The following TUNAR variants were observed in gnomAD, a reference collection of about 807,000 sequenced individuals.
TUNAR encodes the protein transmembrane neural differentiation associated intracellular calcium regulator, also known as protein TUNAR.
At chr14:95,884,603 C>T (rs1161506427) in intron 2 of TUNAR, among the ~76,000 whole-genome samples, 2 of 152,240 alleles carry the variant, frequency 1.3e-5, no homozygotes, top group Non-Finnish European at 2.9e-5. Context: ...GGTGACTCAT[C>T]ATGGGACTGC....
intron 2 of TUNAR, among the ~76,000 whole-genome samples, chr14:95,906,893 A>G (rs1889434360): frequency 6.6e-6 from 1 of 152,168 alleles, no homozygotes. Context: ...TCTTCTCTGC[A>G]TCCCTTTCTC....
At chr14:95,912,399 G>A (rs931257589) in intron 2 of TUNAR, among the ~76,000 whole-genome samples, 1 of 152,072 alleles carries the variant, frequency 6.6e-6, no homozygotes, top group African/African-American at 2.4e-5. Flanking sequence ...ATTCGACACT[G>A]CCTTTTATTG....
At chr14:95,881,632 C>T (rs74085728) in intron 2 of TUNAR, among the ~76,000 whole-genome samples, 2,810 of 152,308 alleles carry the variant, frequency 0.018, 54 homozygotes, top group East Asian at 0.08. Flanking sequence ...AAATGTAGGT[C>T]TCAAGGAACT....
chr14:95,906,840 G>A (rs1477358196), intron 2 of TUNAR, among the ~76,000 whole-genome samples: 1 of 152,174 alleles, frequency 6.6e-6, no homozygotes, highest in Non-Finnish European at 1.5e-5. Flanking sequence ...ACTCAGAGAA[G>A]CATCACTTCC....
intron 2 of TUNAR, 63 bp downstream of exon 1, chr14:95,877,240 G>A (rs1888902976): frequency 6.6e-6 from 1 of 152,240 alleles, no homozygotes; most frequent in Non-Finnish European, 1.5e-5. Context: ...GCCGCCTCAG[G>A]GCCCCTGTCC....
At chr14:95,886,394 A>C (rs529292467) in intron 2 of TUNAR, among the ~76,000 whole-genome samples, 27 of 152,354 alleles carry the variant, frequency 1.8e-4, no homozygotes, top group Admixed American at 1.5e-3. Context: ...TCTCAGGGTC[A>C]CGGGTGGTTA....
intron 2 of TUNAR, among the ~76,000 whole-genome samples, chr14:95,886,109 C>T (rs1160761753): frequency 6.6e-6 from 1 of 152,214 alleles, no homozygotes; most frequent in African/African-American, 2.4e-5. Flanking sequence ...ATGGGTCTCC[C>T]TGTGCCTCTG....
intron 2 of TUNAR, among the ~76,000 whole-genome samples, chr14:95,900,381 C>T (rs555761642): frequency 3.3e-5 from 5 of 152,288 alleles, no homozygotes; most frequent in South Asian, 2.1e-4. Flanking sequence ...GGAGCAGAGA[C>T]GGCACCAGGG....
At chr14:95,912,925 G>C (rs544075720) in intron 2 of TUNAR, among the ~76,000 whole-genome samples, 3 of 152,056 alleles carry the variant, frequency 2.0e-5, no homozygotes, top group African/African-American at 7.2e-5. Flanking sequence ...CGAGTAGCTG[G>C]GACTACAGGC....
chr14:95,909,988 T>TGG (rs1376500636), intron 2 of TUNAR, among the ~76,000 whole-genome samples: 2 of 151,968 alleles, frequency 1.3e-5, no homozygotes, highest in Non-Finnish European at 2.9e-5. Context: ...GACTGGAATG[T>TGG]GGGGGGCATT....
At chr14:95,905,694 CTCTT>C (rs1419649217) in intron 2 of TUNAR, among the ~76,000 whole-genome samples, 1 of 152,170 alleles carries the variant, frequency 6.6e-6, no homozygotes, top group African/African-American at 2.4e-5. Context: ...CCATGTGAAT[CTCTT>C]TCTCCTCAAA....
intron 2 of TUNAR, among the ~76,000 whole-genome samples, chr14:95,893,376 A>C (rs1889211173): frequency 6.6e-6 from 1 of 152,178 alleles, no homozygotes; most frequent in Non-Finnish European, 1.5e-5. Flanking sequence ...AAGAATACTG[A>C]CTGGCCTGTG....
chr14:95,890,614 T>C (rs1160874628), intron 2 of TUNAR, among the ~76,000 whole-genome samples: 3 of 152,182 alleles, frequency 2.0e-5, no homozygotes, highest in Non-Finnish European at 4.4e-5. Flanking sequence ...ACTACACCTT[T>C]GCCTCAAAAC....
At chr14:95,901,055 T>G (rs1889345180) in intron 2 of TUNAR, among the ~76,000 whole-genome samples, 1 of 152,200 alleles carries the variant, frequency 6.6e-6, no homozygotes, top group Non-Finnish European at 1.5e-5. Context: ...CATATATAGG[T>G]TTCTCTCTTT....
chr14:95,878,047 C>A (rs925185874), intron 2 of TUNAR, among the ~76,000 whole-genome samples: 1 of 152,176 alleles, frequency 6.6e-6, no homozygotes, highest in Non-Finnish European at 1.5e-5. Context: ...GGTTACCTGC[C>A]CCTGGTTTTG....
At chr14:95,893,272 A>G (rs1333621499) in intron 2 of TUNAR, among the ~76,000 whole-genome samples, 1 of 152,150 alleles carries the variant, frequency 6.6e-6, no homozygotes, top group African/African-American at 2.4e-5. Context: ...CATGGGAGGC[A>G]GCCTGGGAAA....
Position 95,895,102 on chromosome 14 carries a change from T to C in TUNAR, c.12+17925T>C, listed in dbSNP as rs1345236890. 6.6e-6 allele frequency among the ~76,000 whole-genome samples: 1 copy of C among 152,204 alleles called. No individual in the cohort carries two copies. The highest frequency in any genetic ancestry group is 1.5e-5 in the Non-Finnish European group (1 of 68,044). ...TGACAGATGTTGTCTGCCAGGTAAGTGCAGGAAGTGCAGAACCTGCCTTGA... is the reference window on the plus strand; with the variant it reads ...TGACAGATGTTGTCTGCCAGGTAAGCGCAGGAAGTGCAGAACCTGCCTTGA... On this transcript the variant is annotated intron_variant, in intron 2 of 2. Transcript: ENST00000678517. The surrounding 1 kb of genome is among the most constrained non-coding windows in gnomAD (Gnocchi z 4.5).
At chr14:95,896,205 G>A (rs1201175586) in intron 2 of TUNAR, among the ~76,000 whole-genome samples, 1 of 152,160 alleles carries the variant, frequency 6.6e-6, no homozygotes, top group African/African-American at 2.4e-5. Flanking sequence ...CGATCTCAAC[G>A]ATTATGCAGT....
At chr14:95,908,215 G>A (rs1851563881) in intron 2 of TUNAR, among the ~76,000 whole-genome samples, 1 of 152,250 alleles carries the variant, frequency 6.6e-6, no homozygotes, top group Admixed American at 6.5e-5. Flanking sequence ...GCAGGGAGAA[G>A]TCAGATAGTG....
Sources: gnomAD v4.1 joint callset for allele counts (sites outside exome capture counted in the v4.1 genomes callset) on GRCh38, gnomAD v4.1.1 for gene constraint, Gnocchi (gnomAD v3.1) non-coding constraint, MANE v1.5 for transcripts, NCBI Gene and HGNC (gene_info 2026-07-23, HGNC 2026-07-21) for gene names.